Variants in DAB1 observed in about 807,000 individuals in gnomAD.
The protein encoded by DAB1 is DAB adaptor protein 1, also known as disabled homolog 1.
A neutral mutation model predicts 64.6 loss-of-function variants in DAB1; 15 were observed. The ratio of observed to expected loss-of-function variants is 0.23; its 90% CI spans 0.16 to 0.36. The LOEUF (loss-of-function observed/expected upper bound fraction) is 0.36, where lower values mean the gene tolerates loss of function less well. DAB1 is among the 10% of genes least tolerant of loss of function. DAB1 has a pLI of 1.00. For synonymous variants in DAB1, 235 were observed against 251.9 expected, an observed-to-expected ratio of 0.93 and a Z score of 0.64; for missense variants, 596 against 706.7, an observed-to-expected ratio of 0.84 and a Z score of 1.78.
At chr1:58,480,863 T>C (rs112718427) in intron 3 of DAB1, 12 of 678,958 alleles carry the variant, frequency 1.8e-5, no homozygotes, top group Middle Eastern at 4.2e-4. Flanking sequence ...TGACCCTGAA[T>C]ATCCTTTTTT....
intron 5 of DAB1, among the ~76,000 whole-genome samples, chr1:57,989,623 A>G (rs1262718782): frequency 6.6e-6 from 1 of 152,162 alleles, no homozygotes; most frequent in African/African-American, 2.4e-5. Context: ...TCCATTTTTA[A>G]TATAGGAAGG....
At chr1:58,064,943 C>A (rs1341650517) in intron 5 of DAB1, among the ~76,000 whole-genome samples, 1 of 151,988 alleles carries the variant, frequency 6.6e-6, no homozygotes, top group Admixed American at 6.6e-5. Context: ...ATCTCCTGAC[C>A]TCGTGATCCG....
chr1:57,854,009 T>A (rs189391397), intron 1 of DAB1, among the ~76,000 whole-genome samples: 2 of 152,290 alleles, frequency 1.3e-5, no homozygotes, highest in East Asian at 3.9e-4. Context: ...TCAACACATA[T>A]ATAGAGTAAA....
chr1:58,514,299 C>T (rs977258569), intron 2 of DAB1, among the ~76,000 whole-genome samples: 2 of 152,080 alleles, frequency 1.3e-5, no homozygotes. Context: ...AAGAATACAG[C>T]AGTATAAAAA....
At chr1:58,518,084 G>A (rs559190006) in intron 2 of DAB1, among the ~76,000 whole-genome samples, 3 of 151,218 alleles carry the variant, frequency 2.0e-5, no homozygotes, top group African/African-American at 7.3e-5. Context: ...TACTCAGGAG[G>A]CTGAGGCAGG....
At chr1:58,501,310 T>C (rs1466197899) in intron 3 of DAB1, among the ~76,000 whole-genome samples, 1 of 152,226 alleles carries the variant, frequency 6.6e-6, no homozygotes, top group Non-Finnish European at 1.5e-5. Context: ...GGAACTCATC[T>C]ATTTTCTGAA....
chr1:58,020,958 A>G (rs2764690), intron 5 of DAB1, among the ~76,000 whole-genome samples: 85,349 of 151,984 alleles, frequency 0.56, 24,358 homozygotes, highest in East Asian at 0.84. Context: ...AGCAGAGATC[A>G]CGCCACTGTA....
chr1:57,142,116 G>T (rs1227285390), intron 3 of DAB1, among the ~76,000 whole-genome samples: 1 of 152,110 alleles, frequency 6.6e-6, no homozygotes, highest in Non-Finnish European at 1.5e-5. Flanking sequence ...TGATGATGAT[G>T]ATCATGATCA....
At chr1:57,136,483 T>C (rs1181429313) in intron 4 of DAB1, 60 bp downstream of exon 4, 2 of 995,602 alleles carry the variant, frequency 2.0e-6, no homozygotes, top group East Asian at 5.2e-5. Flanking sequence ...AGTAGAGGCT[T>C]TTAAGGGTAC....
chr1:57,230,645 C>T (rs1667607703), intron 2 of DAB1, among the ~76,000 whole-genome samples: 2 of 146,746 alleles, frequency 1.4e-5, no homozygotes, highest in Admixed American at 7.1e-5. Context: ...TATGTCATAG[C>T]TTTACATATT....
intron 9 of DAB1, among the ~76,000 whole-genome samples, chr1:57,057,644 G>A (rs1384302971): frequency 9.2e-5 from 13 of 140,604 alleles, no homozygotes; most frequent in African/African-American, 3.5e-4. Context: ...GTCTCGTTCT[G>A]TTGCCCAGGC....
At chr1:57,897,710 G>A (rs940618380) in intron 5 of DAB1, among the ~76,000 whole-genome samples, 1 of 152,172 alleles carries the variant, frequency 6.6e-6, no homozygotes, top group Non-Finnish European at 1.5e-5. Context: ...GGAAGAGTAG[G>A]CATTTCTCAC....
At chr1:58,417,446 G>T (rs1557754083) in intron 3 of DAB1, among the ~76,000 whole-genome samples, 1 of 152,198 alleles carries the variant, frequency 6.6e-6, no homozygotes, top group African/African-American at 2.4e-5. Flanking sequence ...TGCCTAGTTT[G>T]GCTCACTAGC....
chr1:58,433,710 T>C (rs1644910658), intron 3 of DAB1, among the ~76,000 whole-genome samples: 1 of 151,668 alleles, frequency 6.6e-6, no homozygotes, highest in African/African-American at 2.4e-5. Context: ...CTGAACTGAT[T>C]TTTTAAATCA....
chr1:57,838,785 T>C (rs931538585), intron 1 of DAB1, among the ~76,000 whole-genome samples: 9 of 145,372 alleles, frequency 6.2e-5, no homozygotes, highest in South Asian at 2.2e-4. Flanking sequence ...TTTTTTTTTT[T>C]CTTTTTTTTG....
chr1:57,926,174 T>C (rs1296272810), intron 5 of DAB1, among the ~76,000 whole-genome samples: 1 of 152,212 alleles, frequency 6.6e-6, no homozygotes, highest in Non-Finnish European at 1.5e-5. Context: ...TAATGTTCTT[T>C]CCTTCTCCAC....
At chr1:57,030,540 A>G (rs1309607735) in intron 9 of DAB1, among the ~76,000 whole-genome samples, 5 of 152,244 alleles carry the variant, frequency 3.3e-5, no homozygotes, top group African/African-American at 1.2e-4. Context: ...ACTGTTACCA[A>G]CATGAAGGTG....
intron 7 of DAB1, among the ~76,000 whole-genome samples, chr1:57,482,106 T>A (rs1644028392): frequency 1.3e-5 from 2 of 152,098 alleles, no homozygotes; most frequent in Non-Finnish European, 2.9e-5. Flanking sequence ...AAATTTTATC[T>A]CCTCTGACAA....
At chr1:57,553,493 G>GAAGA in intron 7 of DAB1, among the ~76,000 whole-genome samples, 1 of 130,614 alleles carries the variant, frequency 7.7e-6, no homozygotes, top group African/African-American at 2.8e-5. Context: ...AGGAAGGAAG[G>GAAGA]AAGGAAGGAA....
Sources: allele counts gnomAD v4.1 joint callset (sites outside exome capture counted in the v4.1 genomes callset), GRCh38; gene constraint gnomAD v4.1.1; transcripts MANE v1.5; gene names NCBI Gene and HGNC (gene_info 2026-07-23, HGNC 2026-07-21).